The following BTBD16 variants were observed in gnomAD, a reference collection of about 807,000 sequenced individuals.
BTBD16 encodes the protein BTB/POZ domain-containing protein 16.
A neutral mutation model predicts 67.4 loss-of-function variants in BTBD16; 66 were observed. That is an observed-to-expected ratio of 0.98 (90% CI 0.80 to 1.20). The LOEUF is 1.20. BTBD16 is among the 50% of genes most tolerant of loss of function. The pLI is 0.00. For missense variants in BTBD16, 634 were observed against 616.0 expected (o/e 1.03, Z -0.31); for synonymous variants, 242 against 236.4 (o/e 1.02, Z -0.22).
At position 122,331,224 on chromosome 10, in the gene BTBD16, G is replaced by A; in HGVS notation, c.1052G>A (p.Trp351Ter). 1 of 1,613,884 alleles carries A rather than the reference G, an allele frequency of 6.2e-7. No homozygotes were observed. Among genetic ancestry groups the A allele is most frequent in the Non-Finnish European group, 8.5e-7 (1 of 1,179,948 alleles). ...LRHLNFFPESWLDQVTVNHYH... is the reference protein window; with the variant it reads ...LRHLNFFPES The stretch of plus-strand genomic sequence containing the variant: ...CACCTTAACTTCTTCCCAGAGTCAT[G>A]GCTCGACCAGGTTACAGTCAACCAT... The change falls in exon 12 of 16, where the codon TGG becomes TAG. Residue 351 changes from tryptophan (W) to a stop codon, truncating the protein, a stop_gained. Coordinates refer to ENST00000260723, the MANE Select transcript of BTBD16 (RefSeq NM_144587.5). LOFTEE classifies it high-confidence loss of function.
intron 1 of BTBD16, 108 bp from the exon 2 acceptor site, chr10:122,274,932 C>T (rs1236751274): frequency 1.5e-6 from 1 of 686,294 alleles, no homozygotes; most frequent in Non-Finnish European, 2.6e-6. Context: ...ACATTCGAGG[C>T]TTATTCATTA....
chr10:122,297,884 A>G (rs758399169), intron 8 of BTBD16, 47 bp downstream of exon 8: 3 of 1,577,680 alleles, frequency 1.9e-6, no homozygotes, highest in Non-Finnish European at 2.6e-6. Context: ...GGGGGCCTTC[A>G]GGAGCAGCCT....
chr10:122,284,560 A>T (rs139719192), intron 4 of BTBD16, among the ~76,000 whole-genome samples: 2,224 of 152,256 alleles, frequency 0.015, 61 homozygotes, highest in African/African-American at 0.05. Flanking sequence ...GGACGTTCAC[A>T]GCTGCACTTG....
chr10:122,315,131 G>T (rs929981951), intron 10 of BTBD16, among the ~76,000 whole-genome samples: 2 of 152,108 alleles, frequency 1.3e-5, no homozygotes, highest in African/African-American at 2.4e-5. Context: ...TTCTCAAAAT[G>T]ATATATAGTT....
chr10:122,285,571 A>G (rs970634993), intron 4 of BTBD16, among the ~76,000 whole-genome samples: 1 of 152,070 alleles, frequency 6.6e-6, no homozygotes, highest in Non-Finnish European at 1.5e-5. Flanking sequence ...CAATGTCTGG[A>G]AAGATTTTTG....
intron 9 of BTBD16, among the ~76,000 whole-genome samples, chr10:122,302,794 A>G (rs557373175): frequency 2.0e-5 from 3 of 152,340 alleles, no homozygotes; most frequent in Non-Finnish European, 4.4e-5. Context: ...ACTGATTCCT[A>G]TAGCAACCTA....
chr10:122,326,194 A>G (rs2096444402), intron 10 of BTBD16, among the ~76,000 whole-genome samples: 1 of 152,208 alleles, frequency 6.6e-6, no homozygotes, highest in Non-Finnish European at 1.5e-5. Flanking sequence ...CAACTGGGGC[A>G]AAATATGCAT....
chr10:122,283,438 G>A (rs2142054096), intron 3 of BTBD16, among the ~76,000 whole-genome samples: 1 of 152,226 alleles, frequency 6.6e-6, no homozygotes, highest in Admixed American at 6.5e-5. Context: ...ACTGAGAATG[G>A]GACCTGTATG....
In BTBD16 at chr10:122,275,038, A is replaced by G; in HGVS notation, c.-42-2A>G. The G allele has an allele frequency of 6.2e-7, 1 of 1,609,768 alleles. No individual in the cohort carries two copies. Among genetic ancestry groups the G allele is most frequent in the Non-Finnish European group, 8.5e-7 (1 of 1,176,156 alleles). On this transcript the variant is annotated splice_acceptor_variant, in intron 1 of 15. Transcript: ENST00000260723. LOFTEE classifies it low-confidence loss of function (5UTR_SPLICE). ...GTCACCTTTACCTCTTTTGTCTTCT[A>G]GGTTGCTTGTCTTTTCTCTCCTGCG...
chr10:122,323,177 G>A (rs1321899571), intron 10 of BTBD16, among the ~76,000 whole-genome samples: 3 of 152,170 alleles, frequency 2.0e-5, no homozygotes, highest in Admixed American at 6.5e-5. Flanking sequence ...GGAATATAGT[G>A]ACTTTCTGGC....
intron 1 of BTBD16, among the ~76,000 whole-genome samples, chr10:122,272,446 A>G (rs1380842982): frequency 6.6e-6 from 1 of 152,164 alleles, no homozygotes; most frequent in African/African-American, 2.4e-5. Context: ...AGTTCAAGTG[A>G]CTGTCCTGCC....
intron 10 of BTBD16, among the ~76,000 whole-genome samples, chr10:122,321,052 T>C (rs2096434607): frequency 6.6e-6 from 1 of 152,172 alleles, no homozygotes; most frequent in African/African-American, 2.4e-5. Flanking sequence ...CCCATCTTTA[T>C]GTTCATGTGT....
chr10:122,328,724 A>G lies in BTBD16; in HGVS notation c.912-756A>G, dbSNP rs1010433519. Reference sequence around the variant, plus strand: ...GGAAAGATTGTTCCCCATTGTCCCCATTTATGAAAAGTGACCATTTTTGTG... The same window carrying G: ...GGAAAGATTGTTCCCCATTGTCCCCGTTTATGAAAAGTGACCATTTTTGTG... On this transcript the variant is annotated intron_variant, in intron 10 of 15. Transcript: ENST00000260723. 3.0e-6 allele frequency: 3 copies of G among 984,012 alleles called. No homozygotes were observed. The African/African-American group carries it at 5.2e-5, about 17-fold the overall frequency. 61.0% of individuals were successfully genotyped at this position (984,012 alleles called of 1,614,324 possible).
chr10:122,333,990 T>C (rs2096458949), intron 13 of BTBD16, among the ~76,000 whole-genome samples: 1 of 152,192 alleles, frequency 6.6e-6, no homozygotes, highest in East Asian at 1.9e-4. Flanking sequence ...TAGAATTTTT[T>C]TTTAACTCAG....
Position 122,276,847 on chromosome 10 carries a change from C to T in BTBD16, c.75C>T (p.Pro25=), listed in dbSNP as rs748189068. The T allele has an allele frequency of 6.2e-7, 1 of 1,614,240 alleles. No individual in the cohort carries two copies. Among genetic ancestry groups the T allele is most frequent in the South Asian group, 1.1e-5 (1 of 91,088 alleles). Reference sequence around the variant, plus strand: ...GCTCAACCAACCGGTGGCGTTTGCCCAAACAGCCTTTCTCTGGGGACCTGC... The same window carrying T: ...GCTCAACCAACCGGTGGCGTTTGCCTAAACAGCCTTTCTCTGGGGACCTGC... ...VTGSTNRWRL[P]KQPFSGDLLS... The change falls in exon 3 of 16, where the codon CCC becomes CCT. Residue 25 remains proline, a synonymous_variant. Coordinates refer to ENST00000260723, the MANE Select transcript of BTBD16 (RefSeq NM_144587.5).
In BTBD16 at chr10:122,276,951, C is replaced by A; in HGVS notation, c.167+12C>A. The stretch of plus-strand genomic sequence containing the variant: ...AGGAACCCAGACAGGTATGGAGACT[C>A]AAAGGTTTGTGGGAGGGAATGGCCC... On this transcript the variant is annotated intron_variant, in intron 3 of 15. Coordinates refer to ENST00000260723, the MANE Select transcript of BTBD16 (RefSeq NM_144587.5). The A allele has an allele frequency of 6.2e-7, 1 of 1,609,864 alleles. No individual in the cohort carries two copies. Among genetic ancestry groups the A allele is most frequent in the Non-Finnish European group, 8.5e-7 (1 of 1,177,218 alleles).
At chr10:122,295,321 G>T in intron 7 of BTBD16, 1 of 985,430 alleles carries the variant, frequency 1.0e-6, no homozygotes, top group Non-Finnish European at 1.2e-6. Flanking sequence ...AGAAAGAGGG[G>T]ACAGGGTGGA....
chr10:122,316,513 CCTA>C (rs2096424802), intron 10 of BTBD16, among the ~76,000 whole-genome samples: 1 of 152,178 alleles, frequency 6.6e-6, no homozygotes, highest in South Asian at 2.1e-4. Context: ...GATGGCATAG[CCTA>C]CTACACACCT....
chr10:122,287,459 T>C, intron 5 of BTBD16: 2 of 985,456 alleles, frequency 2.0e-6, no homozygotes, highest in Non-Finnish European at 1.2e-6. Flanking sequence ...CAAGCCTCCC[T>C]GCTAGAGGCT....
Sources: gnomAD v4.1 joint callset for allele counts (sites outside exome capture counted in the v4.1 genomes callset) on GRCh38, gnomAD v4.1.1 for gene constraint, MANE v1.5 for transcripts, NCBI Gene and HGNC (gene_info 2026-07-23, HGNC 2026-07-21) for gene names.